The following CPLANE1 variants were observed in gnomAD, a reference collection of about 807,000 sequenced individuals.
The protein encoded by CPLANE1 is ciliogenesis and planar polarity effector complex subunit 1.
Under a neutral mutation model 362.5 loss-of-function variants are expected in CPLANE1, and 263 were observed. The observed-to-expected ratio is 0.73, with a 90% confidence interval of 0.66 to 0.80. The LOEUF is 0.80. Among genes scored for constraint, CPLANE1 ranks in the 30% least tolerant of loss-of-function variants. The pLI is 0.00. For synonymous variants in CPLANE1, 1,212 were observed against 1,302.6 expected (o/e 0.93, Z 1.50); for missense variants, 3,461 against 3,793.4 (o/e 0.91, Z 2.30).
intron 8 of CPLANE1, among the ~76,000 whole-genome samples, chr5:37,235,567 CTTTTTTTTTTTTTT>C (rs546612161): frequency 1.1e-5 from 1 of 93,362 alleles, no homozygotes; most frequent in African/African-American, 4.5e-5. Context: ...TATCTAATTT[CTTTTTTTTTTTTTT>C]TTTTTTTTTG....
At chr5:37,230,816 C>A in intron 9 of CPLANE1, 51 bp downstream of exon 9, 3 of 1,295,750 alleles carry the variant, frequency 2.3e-6, no homozygotes, top group Non-Finnish European at 3.0e-6. Context: ...AAAAGTAATA[C>A]AAAACAGAAA....
At chr5:37,110,962 C>G (rs1759078484) in intron 51 of CPLANE1, among the ~76,000 whole-genome samples, 1 of 151,352 alleles carries the variant, frequency 6.6e-6, no homozygotes, top group African/African-American at 2.4e-5. Flanking sequence ...CACCCGCCAC[C>G]ACACCCGGCT....
At chr5:37,211,303 A>C in intron 16 of CPLANE1, 1 of 1,512,010 alleles carries the variant, frequency 6.6e-7, no homozygotes, top group Admixed American at 2.0e-5. Context: ...CGCTTGGAAA[A>C]GGCTTTCAGA....
At position 37,230,080 on chromosome 5, in the gene CPLANE1, G is replaced by A. The variant is rs577503509; in HGVS notation, c.1121+787C>T. Among the ~76,000 whole-genome samples the A allele has an allele frequency of 5.3e-5, 8 of 152,046 alleles. No individual in the cohort carries two copies. In the South Asian group the frequency reaches 1.5e-3, roughly 28 times the overall value. The stretch of plus-strand genomic sequence containing the variant: ...AATACCAGCTACTTGGGAGGCTGAG[G>A]CAGGAGAATCGCTTGAACCCGGGAG... On this transcript the variant is annotated intron_variant, in intron 9 of 52. Transcript: ENST00000651892.
chr5:37,116,505 A>T (rs1416548347), intron 50 of CPLANE1, among the ~76,000 whole-genome samples: 7 of 149,140 alleles, frequency 4.7e-5, no homozygotes, highest in African/African-American at 1.7e-4. Flanking sequence ...AAAAAAAAAA[A>T]AAAAAAAAAA....
Position 37,209,280 on chromosome 5 carries a change from T to C in CPLANE1, c.2921-2855A>G. 1 of 730,712 alleles carries C rather than the reference T, an allele frequency of 1.4e-6. No individual in the cohort carries two copies. The highest frequency in any genetic ancestry group is 1.8e-5 in the Admixed American group (1 of 56,746). 45.3% of individuals were successfully genotyped at this position (730,712 alleles called of 1,614,324 possible). A position where few individuals can be genotyped will look rare whatever the true frequency, so the allele number is the denominator to read the frequency against. On this transcript the variant is annotated intron_variant, in intron 16 of 52. Coordinates refer to ENST00000651892, the MANE Select transcript of CPLANE1 (RefSeq NM_001384732.1). This position sits in a 1 kb window ranked among gnomAD's most constrained non-coding sequence, Gnocchi z 4.6. ...TCTGGAGGGCAGGGATTCCCCCTCGTCTTGGCCCTACAGCCCCAGCTGGGC... is the reference window on the plus strand; with the variant it reads ...TCTGGAGGGCAGGGATTCCCCCTCGCCTTGGCCCTACAGCCCCAGCTGGGC...
At chr5:37,085,660 G>A in the CPLANE1 span, 1 of 1,058,140 alleles carries the variant, frequency 9.5e-7, no homozygotes, top group Non-Finnish European at 1.5e-6. Context: ...ACAGAGAGAG[G>A]CACCCTGGAT....
intron 43 of CPLANE1, among the ~76,000 whole-genome samples, chr5:37,146,990 T>C (rs762984273): frequency 2.0e-5 from 3 of 152,174 alleles, no homozygotes; most frequent in Non-Finnish European, 4.4e-5. Flanking sequence ...TCCTGAACTA[T>C]ATTCACCTTA....
chr5:37,169,543 T>C lies in CPLANE1; in HGVS notation c.6481A>G (p.Ile2161Val), dbSNP rs751206376. 12 of 1,606,730 alleles carry C rather than the reference T, an allele frequency of 7.5e-6. No homozygotes were observed. In the East Asian group the frequency reaches 1.3e-4, roughly 18 times the overall value. The change falls in exon 34 of 53, where the codon ATT (isoleucine) becomes GTT (valine). Residue 2161 changes from isoleucine (I) to valine (V), a missense_variant. Ile to Val is a conservative substitution (Grantham distance 29). This residue lies in a region of CPLANE1 where 3,380 missense variants were observed against 3,666.1 expected (regional missense o/e 0.92). Transcript: ENST00000651892. ...TGGCCATTTAATTGACATAAAGGAA[T>C]ACTCCCATGTGGAACATTCTGGAAG... Reference protein sequence around the residue: ...GNVQNVPHGSIPLCQLNGQPR... With the variant: ...GNVQNVPHGSVPLCQLNGQPR...
In CPLANE1 at chr5:37,245,504, A is replaced by T; in HGVS notation, c.312T>A (p.Pro104=). Residue 104 remains proline (P), a synonymous_variant, in exon 4 of 53, where the codon CCT becomes CCA. Transcript: ENST00000651892. ...CGACTGTAGCTTTGATCATTTCCTT[A>T]GGCTTTTCAGTTATTGGTATAGTTT... The part of the protein sequence containing the change: ...CLKTIPITEK[P]KEMIKATVAS... 1 of 1,501,412 alleles carries T rather than the reference A, an allele frequency of 6.7e-7. No individual in the cohort carries two copies. Among genetic ancestry groups the T allele is most frequent in the South Asian group, 1.4e-5 (1 of 73,854 alleles). The allele number at this position is 1,501,412 out of a possible 1,614,324, so 93.0% of individuals were successfully genotyped here. A position where few individuals can be genotyped will look rare whatever the true frequency, so the allele number is the denominator to read the frequency against.
Position 37,184,920 on chromosome 5 carries a change from C to A in CPLANE1, c.4349G>T (p.Arg1450Ile). The change falls in exon 25 of 53, where the codon AGA becomes ATA. Residue 1450 changes from arginine (R) to isoleucine (I), a missense_variant. Physicochemically the swap from Arg to Ile is moderately conservative, Grantham distance 97 (BLOSUM62 -3). This residue lies in a region of CPLANE1 where 3,380 missense variants were observed against 3,666.1 expected (regional missense o/e 0.92). Transcript: ENST00000651892. ...EKPDEAPGVD[R>I]YSLGTSLSRS... is the part of the protein sequence containing the mutation. ...GCTCAAACTAGTCCCCAGGGAATATCTGTCAACACCTGGAGCCTCATCTGG... is the reference window on the plus strand; with the variant it reads ...GCTCAAACTAGTCCCCAGGGAATATATGTCAACACCTGGAGCCTCATCTGG... 1 of 1,614,148 alleles carries A rather than the reference C, an allele frequency of 6.2e-7. No homozygotes were observed. Among genetic ancestry groups the A allele is most frequent in the South Asian group, 1.1e-5 (1 of 91,082 alleles).
At chr5:37,187,603 T>G (rs755367809) in intron 22 of CPLANE1, 31 bp from the exon 23 acceptor site, 1 of 1,589,924 alleles carries the variant, frequency 6.3e-7, no homozygotes, top group Non-Finnish European at 8.6e-7. Context: ...ATTCATTTCC[T>G]TTTTAGTTTA....
intron 51 of CPLANE1, among the ~76,000 whole-genome samples, chr5:37,111,127 T>C (rs190328711): frequency 6.9e-6 from 1 of 145,486 alleles, no homozygotes; most frequent in African/African-American, 2.6e-5. Flanking sequence ...CTTTCTATTC[T>C]TTTTTTGTTT....
intron 15 of CPLANE1, among the ~76,000 whole-genome samples, chr5:37,215,507 C>T (rs1187180727): frequency 2.0e-5 from 3 of 152,126 alleles, no homozygotes; most frequent in South Asian, 2.1e-4. Flanking sequence ...TTAAGTTTTT[C>T]GGGAGTCAAG....
intron 9 of CPLANE1, among the ~76,000 whole-genome samples, chr5:37,228,950 C>T (rs1029628528): frequency 9.2e-5 from 14 of 152,240 alleles, no homozygotes; most frequent in Admixed American, 6.5e-4. Context: ...TTTCCATTAG[C>T]ATTGCCAATT....
intron 33 of CPLANE1, 24 bp from the exon 34 acceptor site, chr5:37,169,585 G>T: frequency 6.5e-7 from 1 of 1,545,970 alleles, no homozygotes; most frequent in Non-Finnish European, 8.7e-7. Context: ...AAGATATTAT[G>T]TAAGTTTAGA....
At chr5:37,198,385 C>G (rs1225731701) in intron 20 of CPLANE1, among the ~76,000 whole-genome samples, 1 of 151,928 alleles carries the variant, frequency 6.6e-6, no homozygotes. Flanking sequence ...TCAAGGAGAA[C>G]TGGGAGAAAG....
At position 37,249,252 on chromosome 5, in the gene CPLANE1, A is replaced by AGGGGCAGGGTCCGGC. The variant is rs1453112906; in HGVS notation, c.-70_-56dup. 2 of 152,696 alleles carry AGGGGCAGGGTCCGGC rather than the reference A, an allele frequency of 1.3e-5. No homozygotes were observed. The highest frequency in any genetic ancestry group is 3.9e-4 in the East Asian group (2 of 5,192). 9.5% of individuals were successfully genotyped at this position (152,696 alleles called of 1,614,324 possible). Reference sequence around the variant, plus strand: ...GAATCCGCGGGCAGTTACCTCCGCCAGGGGCAGGGTCCGGCCAGTCAGGCG... The same window carrying AGGGGCAGGGTCCGGC: ...GAATCCGCGGGCAGTTACCTCCGCCAGGGGCAGGGTCCGGCGGGGCAGGGTCCGGCCAGTCAGGCG... On this transcript the variant is annotated 5_prime_UTR_variant, in exon 1 of 53. Coordinates refer to ENST00000651892, the MANE Select transcript of CPLANE1 (RefSeq NM_001384732.1).
Position 37,186,319 on chromosome 5 carries a change from G to GA in CPLANE1, c.4155dup (p.Leu1386SerfsTer16), listed in dbSNP as rs1398880084. The GA allele has an allele frequency of 1.3e-6, 2 of 1,591,546 alleles. No individual in the cohort carries two copies. The highest frequency in any genetic ancestry group is 1.7e-5 in the Admixed American group (1 of 59,918). On this transcript the variant is annotated frameshift_variant, in exon 24 of 53. Transcript: ENST00000651892. ...ACACAGTGTCTGAGTCTCTGGTGAA[G>GA]AGAGTGATATTTGTCTCTTAAAGGA...
Sources: allele counts gnomAD v4.1 joint callset (sites outside exome capture counted in the v4.1 genomes callset), GRCh38; gene constraint gnomAD v4.1.1; regional missense constraint gnomAD v4.1.1; non-coding constraint Gnocchi (gnomAD v3.1); transcripts MANE v1.5; gene names NCBI Gene and HGNC (gene_info 2026-07-23, HGNC 2026-07-21).